Variants in RCOR1 observed in about 807,000 individuals in gnomAD.
RCOR1 encodes REST corepressor 1, also known as REST corepressor.
A neutral mutation model predicts 64.0 loss-of-function variants in RCOR1; 12 were observed. That is an observed-to-expected ratio of 0.19 (90% CI 0.12 to 0.30). RCOR1 has a LOEUF of 0.30. RCOR1 is among the 10% of genes least tolerant of loss of function. The pLI, the probability that RCOR1 is intolerant of heterozygous loss-of-function variation, is 1.00. For synonymous variants in RCOR1, 279 were observed against 227.2 expected, an observed-to-expected ratio of 1.23 and a Z score of -2.05; for missense variants, 502 against 621.2, an observed-to-expected ratio of 0.81 and a Z score of 2.04.
intron 2 of RCOR1, among the ~76,000 whole-genome samples, chr14:102,616,114 G>A (rs931794056): frequency 5.3e-5 from 8 of 152,240 alleles, no homozygotes; most frequent in Middle Eastern, 3.4e-3. Context: ...AGTTCCTGCA[G>A]ATACCTCCTT....
chr14:102,726,103 C>T (rs1373414867), intron 11 of RCOR1, among the ~76,000 whole-genome samples: 2 of 151,778 alleles, frequency 1.3e-5, no homozygotes, highest in Non-Finnish European at 2.9e-5. Flanking sequence ...CCGAGGCAGG[C>T]AGATCACGAG....
chr14:102,611,486 C>T (rs1037126375), intron 2 of RCOR1, among the ~76,000 whole-genome samples: 43 of 152,114 alleles, frequency 2.8e-4, no homozygotes, highest in African/African-American at 1.0e-3. Context: ...GTCTTTTCCA[C>T]CTACTTTGCT....
At chr14:102,709,880 C>T (rs894054205) in intron 6 of RCOR1, among the ~76,000 whole-genome samples, 1 of 152,132 alleles carries the variant, frequency 6.6e-6, no homozygotes, top group African/African-American at 2.4e-5. Flanking sequence ...AATAAGAATA[C>T]CTGCCAACAC....
chr14:102,641,923 CT>C (rs1894377918), intron 2 of RCOR1, among the ~76,000 whole-genome samples: 1 of 152,086 alleles, frequency 6.6e-6, no homozygotes, highest in Non-Finnish European at 1.5e-5. Flanking sequence ...GAACTTGTAG[CT>C]TCATAGGGAA....
At chr14:102,690,366 A>G (rs2139968736) in intron 3 of RCOR1, among the ~76,000 whole-genome samples, 1 of 152,268 alleles carries the variant, frequency 6.6e-6, no homozygotes, top group Non-Finnish European at 1.5e-5. Flanking sequence ...GTAGCTTTTC[A>G]ATTCATTGTA....
intron 2 of RCOR1, among the ~76,000 whole-genome samples, chr14:102,676,486 C>G: frequency 1.2e-5 from 1 of 82,692 alleles, no homozygotes; most frequent in Non-Finnish European, 2.3e-5. Context: ...CCACCTCCCT[C>G]CCGGACAGGG....
rs994659192 is a variant in RCOR1, at chr14:102,729,138, T to G, written c.*2632T>G. On this transcript the variant is annotated 3_prime_UTR_variant, in exon 12 of 12. Coordinates refer to ENST00000262241, the MANE Select transcript of RCOR1 (RefSeq NM_015156.4). Reference sequence around the variant, plus strand: ...TTTGTGGAAAATTTTCTCCTAAGTATAAGTTATTGTGCAAAATATAGTGTC... The same window carrying G: ...TTTGTGGAAAATTTTCTCCTAAGTAGAAGTTATTGTGCAAAATATAGTGTC... The G allele has an allele frequency of 6.6e-6, 1 of 152,656 alleles. No individual in the cohort carries two copies. The highest frequency in any genetic ancestry group is 1.5e-5 in the Non-Finnish European group (1 of 68,038). The allele number at this position is 152,656 out of a possible 1,614,324, so 9.5% of individuals were successfully genotyped here. A position where few individuals can be genotyped will look rare whatever the true frequency, so the allele number is the denominator to read the frequency against.
chr14:102,638,362 C>A (rs74319247), intron 2 of RCOR1, among the ~76,000 whole-genome samples: 1 of 152,034 alleles, frequency 6.6e-6, no homozygotes, highest in Non-Finnish European at 1.5e-5. Flanking sequence ...ACCTTTATAG[C>A]GTTGTCTTCT....
intron 2 of RCOR1, among the ~76,000 whole-genome samples, chr14:102,656,480 ATTTG>A (rs1406175465): frequency 4.7e-5 from 7 of 148,004 alleles, no homozygotes; most frequent in Non-Finnish European, 1.0e-4. Context: ...TTTTTTGTTT[ATTTG>A]TTTGTTTTGA....
intron 2 of RCOR1, among the ~76,000 whole-genome samples, chr14:102,672,317 T>C (rs1567430407): frequency 6.6e-6 from 1 of 152,026 alleles, no homozygotes; most frequent in Admixed American, 6.6e-5. Context: ...TTACGCCATT[T>C]TCCTGCCTTA....
chr14:102,625,639 G>C lies in RCOR1; in HGVS notation c.361+32314G>C, dbSNP rs555245006. Among the ~76,000 whole-genome samples the C allele has an allele frequency of 9.6e-4, 146 of 151,990 alleles. 1 individual carries two copies. Among genetic ancestry groups the C allele is most frequent in the African/African-American group, 3.4e-3 (140 of 41,452 alleles). On this transcript the variant is annotated intron_variant, in intron 2 of 11. Transcript: ENST00000262241. ...CTTGCCTCAGCCCCTCAAAGTGCTA[G>C]ATTACAGGCATGAGCCATTGTGCCC...
chr14:102,688,679 A>G (rs1303616069), intron 3 of RCOR1, among the ~76,000 whole-genome samples: 1 of 152,204 alleles, frequency 6.6e-6, no homozygotes, highest in Non-Finnish European at 1.5e-5. Context: ...TGGTTCAGGC[A>G]GCCTTTAACA....
At chr14:102,640,087 C>A (rs1030186989) in intron 2 of RCOR1, among the ~76,000 whole-genome samples, 2 of 152,174 alleles carry the variant, frequency 1.3e-5, no homozygotes, top group African/African-American at 4.8e-5. Flanking sequence ...TCAGGTGATC[C>A]GCCTGCCTCA....
At chr14:102,721,561 AAAT>A in intron 10 of RCOR1, 184 bp downstream of exon 10, 1 of 413,614 alleles carries the variant, frequency 2.4e-6, no homozygotes. Flanking sequence ...TAAAAAAAAA[AAAT>A]TTTTTTTTTA....
chr14:102,722,205 G>A lies in RCOR1; in HGVS notation c.1208G>A (p.Arg403Gln), dbSNP rs1896180774. The A allele has an allele frequency of 1.2e-6, 2 of 1,613,978 alleles. No individual in the cohort carries two copies. Among genetic ancestry groups the A allele is most frequent in the Non-Finnish European group, 8.5e-7 (1 of 1,179,892 alleles). The stretch of plus-strand genomic sequence containing the variant: ...TCCTTAGCCATCAGGAAATATGGCC[G>A]AGATTTTCAGGCAATCTCAGACGTG... ...LAVQAIRKYG[R>Q]DFQAISDVIG... Residue 403 changes from arginine to glutamine, a missense_variant, in exon 11 of 12, where the codon CGA becomes CAA. Physicochemically the swap from Arg to Gln is conservative, Grantham distance 43. Coordinates refer to ENST00000262241, the MANE Select transcript of RCOR1 (RefSeq NM_015156.4).
At position 102,714,354 on chromosome 14, in the gene RCOR1, A is replaced by G. The variant is rs570926587; in HGVS notation, c.859-69A>G. ...ATTGTTTTGGTGCCATGTTAAGGAA[A>G]TAAATATGTTTATTACTGATCATTT... On this transcript the variant is annotated intron_variant, in intron 7 of 11. Coordinates refer to ENST00000262241, the MANE Select transcript of RCOR1 (RefSeq NM_015156.4). The G allele has an allele frequency of 2.0e-4, 207 of 1,018,236 alleles. 1 individual carries two copies. In the South Asian group the frequency reaches 2.9e-3, roughly 14 times the overall value. The allele number at this position is 1,018,236 out of a possible 1,614,324, so 63.1% of individuals were successfully genotyped here.
intron 2 of RCOR1, among the ~76,000 whole-genome samples, chr14:102,594,872 A>G (rs185922851): frequency 3.1e-4 from 47 of 152,218 alleles, no homozygotes; most frequent in African/African-American, 1.1e-3. Context: ...CTTGTTACCA[A>G]ATTTTCCTAA....
At chr14:102,682,115 G>A (rs781153130) in intron 3 of RCOR1, 137 bp downstream of exon 3, 9 of 540,994 alleles carry the variant, frequency 1.7e-5, no homozygotes, top group African/African-American at 1.4e-4. Context: ...GTTTTAAAGT[G>A]TATATTTCTT....
intron 2 of RCOR1, 79 bp downstream of exon 2, chr14:102,593,404 C>T: frequency 7.2e-7 from 1 of 1,389,868 alleles, no homozygotes; most frequent in Non-Finnish European, 9.3e-7. Flanking sequence ...GGGGCGGGAG[C>T]CCGCCGACAA....
Sources: gnomAD v4.1 joint callset for allele counts (sites outside exome capture counted in the v4.1 genomes callset) on GRCh38, gnomAD v4.1.1 for gene constraint, MANE v1.5 for transcripts, NCBI Gene and HGNC (gene_info 2026-07-23, HGNC 2026-07-21) for gene names.